TRAPPC9: variants seen among roughly 807,000 people sequenced by gnomAD.
TRAPPC9 encodes the protein IKK2 binding protein.
A neutral mutation model predicts 124.0 loss-of-function variants in TRAPPC9; 83 were observed. That is an observed-to-expected ratio of 0.67 (90% CI 0.56 to 0.80). The LOEUF is 0.80. Among genes scored for constraint, TRAPPC9 ranks in the 30% least tolerant of loss-of-function variants. The pLI is 0.00. For missense variants in TRAPPC9, 1,302 were observed against 1,508.3 expected (o/e 0.86, Z 2.27); for synonymous variants, 638 against 617.5 (o/e 1.03, Z -0.49).
chr8:140,256,128 G>C (rs1031931311), intron 15 of TRAPPC9, among the ~76,000 whole-genome samples: 1 of 152,188 alleles, frequency 6.6e-6, no homozygotes, highest in Non-Finnish European at 1.5e-5. Context: ...TGGTCGCTTT[G>C]GTATTTCATG....
intron 17 of TRAPPC9, among the ~76,000 whole-genome samples, chr8:140,090,677 T>C (rs959342348): frequency 6.6e-6 from 1 of 152,194 alleles, no homozygotes; most frequent in Non-Finnish European, 1.5e-5. Flanking sequence ...CCCCACCAAG[T>C]GTACCCATCC....
chr8:140,439,634 C>A (rs1000248156), intron 2 of TRAPPC9, among the ~76,000 whole-genome samples: 1 of 152,188 alleles, frequency 6.6e-6, no homozygotes, highest in Admixed American at 6.5e-5. Flanking sequence ...GCAAACAAGA[C>A]GTTCATCCTC....
At chr8:140,052,199 C>T (rs181507080) in intron 17 of TRAPPC9, among the ~76,000 whole-genome samples, 13 of 147,080 alleles carry the variant, frequency 8.8e-5, no homozygotes, top group South Asian at 4.2e-4. Context: ...TCTCATCACA[C>T]GGTATTCTCC....
chr8:139,929,305 A>G lies in TRAPPC9; in HGVS notation c.2811-19005T>C, dbSNP rs1832985647. ...ACAGCACAGAGTGGATGATCAATAC[A>G]TGAATCTACTGAAAGCTTGGGGTCA... On this transcript the variant is annotated intron_variant, in intron 19 of 22. Coordinates refer to ENST00000438773, the MANE Select transcript of TRAPPC9 (RefSeq NM_001160372.4). 3.3e-5 allele frequency among the ~76,000 whole-genome samples: 5 copies of G among 152,236 alleles called. No individual in the cohort carries two copies. The South Asian group carries it at 1.0e-3, about 32-fold the overall frequency.
intron 19 of TRAPPC9, among the ~76,000 whole-genome samples, chr8:139,934,223 C>T (rs1833373117): frequency 6.6e-6 from 1 of 151,956 alleles, no homozygotes; most frequent in South Asian, 2.1e-4. Flanking sequence ...CAAGTCCAAT[C>T]AGAGAGAGAC....
chr8:140,079,103 A>G (rs973066798), intron 17 of TRAPPC9, among the ~76,000 whole-genome samples: 12 of 151,998 alleles, frequency 7.9e-5, no homozygotes, highest in African/African-American at 2.4e-4. Context: ...TTTATAAAGG[A>G]CTGTTCCCCT....
chr8:139,807,353 C>G (rs1199657805), intron 21 of TRAPPC9, among the ~76,000 whole-genome samples: 1 of 152,144 alleles, frequency 6.6e-6, no homozygotes. Context: ...CCTCTGAACT[C>G]CAAGGGGCAA....
intron 19 of TRAPPC9, among the ~76,000 whole-genome samples, chr8:139,919,057 G>A (rs913177387): frequency 1.3e-5 from 2 of 152,214 alleles, no homozygotes; most frequent in Admixed American, 1.3e-4. Context: ...CTTGGAGTCA[G>A]TAGGCAGAGC....
intron 17 of TRAPPC9, among the ~76,000 whole-genome samples, chr8:140,166,297 T>C (rs143701922): frequency 2.0e-5 from 3 of 152,198 alleles, no homozygotes; most frequent in Non-Finnish European, 2.9e-5. Context: ...AAAACTCAAC[T>C]GGAAAGAAGA....
Position 140,252,613 on chromosome 8 carries a change from A to G in TRAPPC9, c.2431+164T>C. 2.8e-6 allele frequency: 2 copies of G among 705,610 alleles called. No individual in the cohort carries two copies. Among genetic ancestry groups the G allele is most frequent in the Non-Finnish European group, 4.9e-6 (2 of 407,044 alleles). 43.7% of individuals were successfully genotyped at this position (705,610 alleles called of 1,614,324 possible). ...ACTTTTATTACTTTCAGACACATAC[A>G]GTAACACACTCTGTTAACAAAGTGC... is the stretch of plus-strand genomic sequence containing the variant. On this transcript the variant is annotated intron_variant, in intron 16 of 22. Transcript: ENST00000438773. The surrounding 1 kb of genome is among the most constrained non-coding windows in gnomAD (Gnocchi z 4.2).
At chr8:139,993,805 C>G (rs764631122) in intron 18 of TRAPPC9, among the ~76,000 whole-genome samples, 1 of 151,932 alleles carries the variant, frequency 6.6e-6, no homozygotes, top group Non-Finnish European at 1.5e-5. Context: ...ATATGTATAT[C>G]AAATTTTAAA....
intron 7 of TRAPPC9, among the ~76,000 whole-genome samples, chr8:140,390,985 G>A (rs1241412185): frequency 1.3e-5 from 2 of 152,018 alleles, no homozygotes; most frequent in African/African-American, 2.4e-5. Context: ...AAATCTCCCC[G>A]TGCCTCTGAT....
intron 17 of TRAPPC9, among the ~76,000 whole-genome samples, chr8:140,215,142 C>T (rs1310891456): frequency 6.6e-6 from 1 of 152,106 alleles, no homozygotes; most frequent in Non-Finnish European, 1.5e-5. Context: ...CAGAAAATGC[C>T]GCATGATTGC....
chr8:140,064,169 T>C (rs141957886), intron 17 of TRAPPC9, among the ~76,000 whole-genome samples: 1 of 152,218 alleles, frequency 6.6e-6, no homozygotes. Flanking sequence ...AACAAATTTC[T>C]ATGCCAATTA....
At chr8:139,960,611 A>AAGGGAACAGATTCCCCCCAGGCCTCC (rs1835320106) in intron 19 of TRAPPC9, among the ~76,000 whole-genome samples, 11 of 63,028 alleles carry the variant, frequency 1.7e-4, no homozygotes, top group Middle Eastern at 9.1e-3. Flanking sequence ...CCCAGCTGTC[A>AAGGGAACAGATTCCCCCCAGGCCTCC]AGTCTGGACT....
intron 9 of TRAPPC9, among the ~76,000 whole-genome samples, chr8:140,330,025 G>A (rs958369592): frequency 6.6e-6 from 1 of 152,116 alleles, no homozygotes; most frequent in African/African-American, 2.4e-5. Flanking sequence ...GTTGCAGGGA[G>A]CCGAGATTGC....
rs1318998546 is a variant in TRAPPC9 at position 140,291,088 on chromosome 8, A to T, written c.1769-10T>A. ...TGAACCCACTGGAAATCTAGAAAAT[A>T]CACACACATAAATGAATCCATGTAT... is the stretch of plus-strand genomic sequence containing the variant. On this transcript the variant is annotated splice_polypyrimidine_tract_variant and intron_variant, in intron 11 of 22. Coordinates refer to ENST00000438773, the MANE Select transcript of TRAPPC9 (RefSeq NM_001160372.4). 1 of 1,611,432 alleles carries T rather than the reference A, an allele frequency of 6.2e-7. No homozygotes were observed. Among genetic ancestry groups the T allele is most frequent in the Admixed American group, 1.7e-5 (1 of 60,030 alleles).
At chr8:140,349,322 G>C (rs1258233559) in intron 9 of TRAPPC9, among the ~76,000 whole-genome samples, 1 of 143,452 alleles carries the variant, frequency 7.0e-6, no homozygotes, top group African/African-American at 2.7e-5. Context: ...CACGCAAGGA[G>C]AGGGCACACA....
chr8:139,898,286 A>G (rs889155860), intron 20 of TRAPPC9, among the ~76,000 whole-genome samples: 2 of 152,206 alleles, frequency 1.3e-5, no homozygotes, highest in Admixed American at 1.3e-4. Flanking sequence ...GGCTTCAGAT[A>G]CTTGTGGCCA....
Sources: gnomAD v4.1 joint callset for allele counts (sites outside exome capture counted in the v4.1 genomes callset) on GRCh38, gnomAD v4.1.1 for gene constraint, Gnocchi (gnomAD v3.1) non-coding constraint, MANE v1.5 for transcripts, NCBI Gene and HGNC (gene_info 2026-07-23, HGNC 2026-07-21) for gene names.